Variants in CSGALNACT1 observed in about 807,000 individuals in gnomAD.
CSGALNACT1 encodes beta4GalNAcT-1.
CSGALNACT1 carries 52 observed loss-of-function variants against 51.0 expected under a neutral mutation model. That is an observed-to-expected ratio of 1.02 (90% CI 0.82 to 1.29). The LOEUF is 1.29. CSGALNACT1 is among the 50% of genes most tolerant of loss of function. CSGALNACT1 has a pLI of 0.00. For synonymous variants in CSGALNACT1, 341 were observed against 254.4 expected (o/e 1.34, Z -3.24); for missense variants, 935 against 679.2 (o/e 1.38, Z -4.19).
intron 1 of CSGALNACT1, among the ~76,000 whole-genome samples, chr8:19,699,190 T>G (rs1048222532): frequency 3.3e-5 from 5 of 152,166 alleles, no homozygotes; most frequent in Admixed American, 2.0e-4. Context: ...TATTTTTAGT[T>G]TTTTAATGAC....
At chr8:19,551,530 C>T (rs2088087521) in intron 3 of CSGALNACT1, among the ~76,000 whole-genome samples, 1 of 152,192 alleles carries the variant, frequency 6.6e-6, no homozygotes, top group Non-Finnish European at 1.5e-5. Context: ...TGGCAATAAA[C>T]TTCTCTCCCT....
chr8:19,627,795 A>T (rs1373568275), intron 1 of CSGALNACT1, among the ~76,000 whole-genome samples: 3 of 152,218 alleles, frequency 2.0e-5, no homozygotes, highest in Non-Finnish European at 4.4e-5. Context: ...ACTGCACTGC[A>T]GCACCTGGGT....
At chr8:19,416,109 C>CTTTTTTTT (rs34491658) in intron 8 of CSGALNACT1, among the ~76,000 whole-genome samples, 6 of 116,716 alleles carry the variant, frequency 5.1e-5, no homozygotes, top group Admixed American at 1.1e-4. Context: ...GAAATGAAAA[C>CTTTTTTTT]TTTTTTTTTT....
intron 1 of CSGALNACT1, among the ~76,000 whole-genome samples, chr8:19,671,102 T>C (rs576222271): frequency 1.3e-5 from 2 of 151,442 alleles, no homozygotes; most frequent in Non-Finnish European, 2.9e-5. Context: ...TAGCCCAGAG[T>C]GGAGGGCAGG....
intron 1 of CSGALNACT1, among the ~76,000 whole-genome samples, chr8:19,746,039 C>G (rs190085477): frequency 6.6e-6 from 1 of 151,984 alleles, no homozygotes; most frequent in Non-Finnish European, 1.5e-5. Flanking sequence ...ATCTGGGAGA[C>G]CTGAGGGTTG....
Position 19,667,723 on chromosome 8 carries a change from T to A in CSGALNACT1, c.-544+14750A>T, listed in dbSNP as rs541821341. Among the ~76,000 whole-genome samples the A allele has an allele frequency of 2.6e-5, 4 of 152,282 alleles. No individual in the cohort carries two copies. In the South Asian group the frequency reaches 8.3e-4, roughly 32 times the overall value. ...AGAGCTGCAAAGGTCATTTGCTGCT[T>A]CGTGATCAAAAATGTAAAAATCATA... On this transcript the variant is annotated intron_variant, in intron 1 of 9. Coordinates refer to the CSGALNACT1 transcript ENST00000332246.
At chr8:19,437,113 C>G (rs2060500029) in intron 6 of CSGALNACT1, among the ~76,000 whole-genome samples, 1 of 152,016 alleles carries the variant, frequency 6.6e-6, no homozygotes, top group African/African-American at 2.4e-5. Flanking sequence ...AAATGTAAAT[C>G]ATCAAATCGC....
intron 4 of CSGALNACT1, among the ~76,000 whole-genome samples, chr8:19,500,804 T>C (rs986380169): frequency 6.6e-6 from 1 of 152,184 alleles, no homozygotes; most frequent in Non-Finnish European, 1.5e-5. Flanking sequence ...ATAAACTACC[T>C]GGGGCTGGGT....
Position 19,461,866 on chromosome 8 carries a change from A to G in CSGALNACT1, c.635-3224T>C, listed in dbSNP as rs367860434. On this transcript the variant is annotated intron_variant, in intron 4 of 9. Coordinates refer to ENST00000454498, the Ensembl canonical transcript of CSGALNACT1. ...TGCACAGCAGCCACATTCACCATGG[A>G]GGGCGTATCCACACAGCAGCCACAT... 1.1e-3 allele frequency among the ~76,000 whole-genome samples: 157 copies of G among 139,726 alleles called. 2 individuals are homozygous for G. The highest frequency in any genetic ancestry group is 3.8e-3 in the Middle Eastern group (1 of 264). 91.7% of individuals were successfully genotyped at this position (139,726 alleles called of 152,430 possible).
At chr8:19,617,206 ATC>A (rs918924788) in intron 1 of CSGALNACT1, among the ~76,000 whole-genome samples, 10 of 152,140 alleles carry the variant, frequency 6.6e-5, no homozygotes, top group African/African-American at 2.4e-4. Context: ...GTCGCCAATT[ATC>A]TGACAGGAGG....
At chr8:19,697,845 C>T (rs11784365) in intron 1 of CSGALNACT1, among the ~76,000 whole-genome samples, 9,670 of 151,900 alleles carry the variant, frequency 0.064, 337 homozygotes, top group South Asian at 0.11. Context: ...AACGTCCCAC[C>T]CAGAGAGGGT....
intron 1 of CSGALNACT1, among the ~76,000 whole-genome samples, chr8:19,734,947 A>G (rs575441350): frequency 6.6e-6 from 1 of 152,250 alleles, no homozygotes; most frequent in African/African-American, 2.4e-5. Context: ...CTGAAATAAC[A>G]GGAAAGCATG....
At chr8:19,479,176 T>C (rs778546355) in intron 4 of CSGALNACT1, among the ~76,000 whole-genome samples, 4 of 152,212 alleles carry the variant, frequency 2.6e-5, no homozygotes, top group African/African-American at 7.2e-5. Context: ...GCGTAACTTG[T>C]GGAAAAGTTG....
intron 1 of CSGALNACT1, among the ~76,000 whole-genome samples, chr8:19,655,200 G>C (rs1312898978): frequency 6.6e-6 from 1 of 152,100 alleles, no homozygotes; most frequent in Non-Finnish European, 1.5e-5. Flanking sequence ...GTGATGATAG[G>C]ATGAAAGTTC....
At chr8:19,477,546 C>T (rs1000383640) in intron 4 of CSGALNACT1, among the ~76,000 whole-genome samples, 1 of 152,116 alleles carries the variant, frequency 6.6e-6, no homozygotes, top group Non-Finnish European at 1.5e-5. Context: ...TAAAAATGCG[C>T]CTTGGTTATG....
intron 1 of CSGALNACT1, among the ~76,000 whole-genome samples, chr8:19,672,142 C>T (rs2059841171): frequency 1.3e-5 from 2 of 152,176 alleles, no homozygotes; most frequent in Non-Finnish European, 2.9e-5. Context: ...CTTTGTCTCC[C>T]TCTCTTTCTG....
At chr8:19,444,426 T>G (rs1361911114) in intron 5 of CSGALNACT1, among the ~76,000 whole-genome samples, 4 of 152,188 alleles carry the variant, frequency 2.6e-5, no homozygotes, top group Non-Finnish European at 4.4e-5. Flanking sequence ...TTGGATACAG[T>G]GGGCCAACTG....
chr8:19,427,559 C>G (rs1049961518), intron 6 of CSGALNACT1, among the ~76,000 whole-genome samples: 1 of 151,842 alleles, frequency 6.6e-6, no homozygotes, highest in African/African-American at 2.4e-5. Context: ...GAGGCCGAGG[C>G]GGGCGGATCA....
intron 5 of CSGALNACT1, chr8:19,457,833 A>G (rs112056155): frequency 7.4e-7 from 1 of 1,349,442 alleles, no homozygotes; most frequent in African/African-American, 1.5e-5. Flanking sequence ...AATGAAACCC[A>G]GCTTAGTCTC....
Sources: allele counts gnomAD v4.1 joint callset (sites outside exome capture counted in the v4.1 genomes callset), GRCh38; gene constraint gnomAD v4.1.1; transcripts MANE v1.5; gene names NCBI Gene and HGNC (gene_info 2026-07-23, HGNC 2026-07-21).